Variants in PSD3 observed in about 807,000 individuals in gnomAD.
PSD3 encodes PH and SEC7 domain-containing protein 3.
PSD3 carries 49 observed loss-of-function variants against 105.5 expected under a neutral mutation model. The observed-to-expected ratio is 0.46, with a 90% CI of 0.37 to 0.59. The LOEUF (loss-of-function observed/expected upper bound fraction) is 0.59. Among genes scored for constraint, PSD3 ranks in the 20% least tolerant of loss-of-function variants. PSD3 has a pLI of 0.00. For synonymous variants in PSD3, 557 were observed against 457.8 expected (o/e 1.22, Z -2.77); for missense variants, 1,561 against 1,263.8 (o/e 1.24, Z -3.57).
intron 9 of PSD3, among the ~76,000 whole-genome samples, chr8:18,738,176 C>G (rs528967340): frequency 6.6e-6 from 1 of 152,226 alleles, no homozygotes; most frequent in Admixed American, 6.5e-5. Flanking sequence ...AAACTGTTAC[C>G]AGGACTTTCT....
intron 10 of PSD3, among the ~76,000 whole-genome samples, chr8:18,644,689 C>T (rs1398331212): frequency 2.0e-5 from 3 of 152,172 alleles, no homozygotes; most frequent in Non-Finnish European, 4.4e-5. Context: ...CTTTTTCTAG[C>T]ATTCACTTCA....
intron 4 of PSD3, among the ~76,000 whole-genome samples, chr8:18,830,194 G>T (rs1246092305): frequency 6.6e-6 from 1 of 152,056 alleles, no homozygotes; most frequent in Non-Finnish European, 1.5e-5. Flanking sequence ...CACCCACCTT[G>T]GTCTCCCAAA....
chr8:18,998,001 A>G lies in PSD3; in HGVS notation c.21+15562T>C, dbSNP rs4357329. On this transcript the variant is annotated intron_variant, in intron 1 of 15. Transcript: ENST00000327040. ...AGGATTTTTTTCTTTTTTAATTTTT[A>G]TTTTACTTATTTTTTTGTCTGTTTT... is the stretch of plus-strand genomic sequence containing the variant. 8.1e-4 allele frequency among the ~76,000 whole-genome samples: 122 copies of G among 151,266 alleles called. 1 individual carries two copies. The highest frequency in any genetic ancestry group is 6.8e-3 in the Middle Eastern group (2 of 292).
chr8:18,656,115 C>T (rs927141703), intron 9 of PSD3, among the ~76,000 whole-genome samples: 2 of 152,138 alleles, frequency 1.3e-5, no homozygotes, highest in East Asian at 1.9e-4. Context: ...TGGAGTGCAA[C>T]GGCACAATCT....
chr8:18,814,537 G>C (rs184859236), intron 4 of PSD3, among the ~76,000 whole-genome samples: 1 of 152,146 alleles, frequency 6.6e-6, no homozygotes, highest in African/African-American at 2.4e-5. Context: ...TGCTCTTGTG[G>C]GATAGCTCTC....
At chr8:18,678,008 T>TAAA (rs1247688057) in intron 9 of PSD3, among the ~76,000 whole-genome samples, 1 of 20,978 alleles carries the variant, frequency 4.8e-5, no homozygotes. Context: ...AGACTCTGTC[T>TAAA]CAAAAAAAAA....
intron 15 of PSD3, 116 bp downstream of exon 15, chr8:18,556,093 G>C: frequency 7.9e-7 from 1 of 1,272,760 alleles, no homozygotes. Flanking sequence ...TCCCAAATTA[G>C]AGCCAGGGGC....
At chr8:19,079,030 G>A (rs1829556172) in intron 1 of PSD3, among the ~76,000 whole-genome samples, 2 of 151,922 alleles carry the variant, frequency 1.3e-5, no homozygotes, top group South Asian at 4.2e-4. Context: ...TGCACTCTTG[G>A]CCCTCTGCTT....
intron 4 of PSD3, among the ~76,000 whole-genome samples, chr8:18,820,875 T>A (rs1175748836): frequency 7.6e-5 from 1 of 13,194 alleles, no homozygotes; most frequent in Non-Finnish European, 7.7e-4. Context: ...CTCTTCAGCC[T>A]CCTAACTGGG....
At chr8:18,629,463 G>A (rs148148921) in intron 11 of PSD3, among the ~76,000 whole-genome samples, 219 of 152,070 alleles carry the variant, frequency 1.4e-3, no homozygotes, top group African/African-American at 4.7e-3. Context: ...AGAATGCTCA[G>A]CTGGTGAATC....
Position 18,575,252 on chromosome 8 carries a change from C to T in PSD3, c.2515G>A (p.Glu839Lys). 1 of 1,612,472 alleles carries T rather than the reference C, an allele frequency of 6.2e-7. No individual in the cohort carries two copies. The highest frequency in any genetic ancestry group is 8.5e-7 in the Non-Finnish European group (1 of 1,179,124). Residue 839 changes from glutamate (E) to lysine (K), a missense_variant, in exon 13 of 16, where the codon GAG becomes AAG. Glu to Lys is a moderately conservative substitution (Grantham distance 56, BLOSUM62 1). Coordinates refer to ENST00000327040, the MANE Select transcript of PSD3 (RefSeq NM_015310.4). ...ACACTCACAGCGTTTTTCAAGTCCT[C>T]TTCAGACAAGGCCTTTTCTGGCTTG... ...EYKPEKALSE[E>K]DLKNAVSVHH...
chr8:18,579,358 G>A (rs78376100), intron 12 of PSD3, among the ~76,000 whole-genome samples: 2,426 of 152,196 alleles, frequency 0.016, 74 homozygotes, highest in African/African-American at 0.054. Flanking sequence ...GAAACAGTGA[G>A]CAAGATAAAT....
At chr8:18,665,348 A>C (rs1453207069) in intron 9 of PSD3, among the ~76,000 whole-genome samples, 1 of 152,250 alleles carries the variant, frequency 6.6e-6, no homozygotes, top group Admixed American at 6.5e-5. Flanking sequence ...TTGAGACTTC[A>C]GCAGAGGAAG....
rs1829617034 is a variant in PSD3, at chr8:19,080,708, G to T, written c.324+3498C>A. Among the ~76,000 whole-genome samples the T allele has an allele frequency of 2.0e-5, 3 of 152,156 alleles. No homozygotes were observed. In the South Asian group the frequency reaches 6.2e-4, roughly 32 times the overall value. On this transcript the variant is annotated intron_variant, in intron 1 of 1. Coordinates refer to the PSD3 transcript ENST00000521475. ...TGATCAAAGCTCAAAAAGTGAATTG[G>T]TTTTGAGGACCAACGGTGAGGTAGG... is the stretch of plus-strand genomic sequence containing the variant.
intron 11 of PSD3, among the ~76,000 whole-genome samples, chr8:18,617,497 C>T (rs1805784492): frequency 6.6e-6 from 1 of 152,200 alleles, no homozygotes; most frequent in Non-Finnish European, 1.5e-5. Flanking sequence ...CACCATTGCA[C>T]TCCAGCCTGG....
chr8:18,752,583 A>G (rs1294383561), intron 9 of PSD3, among the ~76,000 whole-genome samples: 2 of 72,754 alleles, frequency 2.7e-5, no homozygotes, highest in East Asian at 4.2e-4. Context: ...ATAATTATAT[A>G]TATTATATAT....
chr8:18,565,505 G>C (rs1485220525), intron 14 of PSD3, among the ~76,000 whole-genome samples: 1 of 152,126 alleles, frequency 6.6e-6, no homozygotes, highest in African/African-American at 2.4e-5. Flanking sequence ...TTGCATAAAA[G>C]ACAAGAATAA....
At chr8:18,756,003 TG>T (rs1479441548) in intron 9 of PSD3, among the ~76,000 whole-genome samples, 2 of 152,132 alleles carry the variant, frequency 1.3e-5, no homozygotes, top group East Asian at 3.9e-4. Context: ...TTTACTTTAC[TG>T]AAAAAAGCAG....
intron 4 of PSD3, among the ~76,000 whole-genome samples, chr8:18,827,076 G>A (rs577761594): frequency 5.4e-4 from 82 of 152,268 alleles, no homozygotes; most frequent in African/African-American, 1.9e-3. Flanking sequence ...TTCTCTCACT[G>A]ATATCAGTTA....
Sources: allele counts gnomAD v4.1 joint callset (sites outside exome capture counted in the v4.1 genomes callset), GRCh38; gene constraint gnomAD v4.1.1; transcripts MANE v1.5; gene names NCBI Gene and HGNC (gene_info 2026-07-23, HGNC 2026-07-21).